The following HIP1 variants were observed in gnomAD, a reference collection of about 807,000 sequenced individuals.
The protein encoded by HIP1 is huntingtin interacting protein 1, also known as huntingtin-interacting protein 1.
A neutral mutation model predicts 147.6 loss-of-function variants in HIP1; 65 were observed. That is an observed-to-expected ratio of 0.44 (90% confidence interval 0.36 to 0.54). The LOEUF is 0.54. Ranked by LOEUF, HIP1 falls within the 20% of genes least tolerant of loss-of-function variation. The pLI, the probability that HIP1 is intolerant of heterozygous loss-of-function variation, is 0.00. For missense variants in HIP1, 1,061 were observed against 1,299.6 expected, an observed-to-expected ratio of 0.82 and a Z score of 2.82; for synonymous variants, 479 against 504.0, an observed-to-expected ratio of 0.95 and a Z score of 0.67.
intron 1 of HIP1, among the ~76,000 whole-genome samples, chr7:75,695,130 T>C (rs1258561426): frequency 6.6e-6 from 1 of 152,236 alleles, no homozygotes; most frequent in African/African-American, 2.4e-5. Context: ...TAGATGTTTA[T>C]ATTAGCAGTG....
intron 1 of HIP1, 48 bp downstream of exon 1, chr7:75,738,753 G>A: frequency 1.3e-6 from 2 of 1,578,094 alleles, no homozygotes; most frequent in Non-Finnish European, 1.7e-6. Flanking sequence ...CCCGGACACC[G>A]CGTCCCTCAG....
chr7:75,562,834 C>T, intron 11 of HIP1, 101 bp downstream of exon 11: 1 of 1,213,820 alleles, frequency 8.2e-7, no homozygotes, highest in East Asian at 2.4e-5. Context: ...AAGCCTGAAC[C>T]TGGTTAGAGT....
intron 1 of HIP1, among the ~76,000 whole-genome samples, chr7:75,681,655 T>C (rs1353912462): frequency 1.3e-5 from 2 of 151,858 alleles, no homozygotes; most frequent in African/African-American, 4.8e-5. Flanking sequence ...TATGGGTGCA[T>C]ACCACCACGC....
At chr7:75,636,024 C>CAAAAAAAAAAAAAAAAA (rs34434184) in intron 1 of HIP1, among the ~76,000 whole-genome samples, 1 of 53,708 alleles carries the variant, frequency 1.9e-5, no homozygotes, top group Non-Finnish European at 3.2e-5. Context: ...GACCCTGTCT[C>CAAAAAAAAAAAAAAAAA]AAAAAAAAAA....
intron 1 of HIP1, chr7:75,626,878 T>G (rs1309238001): frequency 7.5e-6 from 1 of 133,834 alleles, no homozygotes; most frequent in Non-Finnish European, 1.6e-5. Context: ...ACCTAGTGCA[T>G]GCACACAAAC....
chr7:75,648,629 A>AC (rs1798879295), intron 1 of HIP1, among the ~76,000 whole-genome samples: 1 of 151,836 alleles, frequency 6.6e-6, no homozygotes, highest in African/African-American at 2.4e-5. Context: ...TGCATGATAG[A>AC]CCCCCTAAGC....
rs1025243885 is a variant in HIP1, at chr7:75,534,268, C to A, written c.*3904G>T. On this transcript the variant is annotated 3_prime_UTR_variant, in exon 31 of 31. Coordinates refer to ENST00000336926, the MANE Select transcript of HIP1 (RefSeq NM_005338.7). ...AGAAAAGTTGCTCTAGACAGTGGTT[C>A]TTCCAGCCACTGGGTTAGAGGGACC... 1.8e-5 allele frequency: 4 copies of A among 225,174 alleles called. No individual in the cohort carries two copies. The highest frequency in any genetic ancestry group is 5.7e-5 in the Admixed American group (1 of 17,462). 13.9% of individuals were successfully genotyped at this position (225,174 alleles called of 1,614,324 possible).
chr7:75,718,321 C>T (rs1801385298), intron 1 of HIP1, among the ~76,000 whole-genome samples: 1 of 151,856 alleles, frequency 6.6e-6, no homozygotes, highest in African/African-American at 2.4e-5. Context: ...CATACTACTG[C>T]ACTCCAGCCT....
rs1226638180 is a variant in HIP1 at position 75,544,815 on chromosome 7, C to T, written c.2661-15G>A. 2 of 1,514,844 alleles carry T rather than the reference C, an allele frequency of 1.3e-6. No homozygotes were observed. The highest frequency in any genetic ancestry group is 1.7e-5 in the Admixed American group (1 of 59,804). 93.8% of individuals were successfully genotyped at this position (1,514,844 alleles called of 1,614,324 possible). ...CAGCTGCATCCCTGATGGAAAACGACAAGAGGGACTAGGTTACGGGCAAAT... is the reference window on the plus strand; with the variant it reads ...CAGCTGCATCCCTGATGGAAAACGATAAGAGGGACTAGGTTACGGGCAAAT... On this transcript the variant is annotated splice_polypyrimidine_tract_variant and intron_variant, in intron 26 of 30. Transcript: ENST00000336926.
intron 8 of HIP1, among the ~76,000 whole-genome samples, chr7:75,570,687 A>C (rs1795596330): frequency 6.6e-6 from 1 of 152,146 alleles, no homozygotes; most frequent in Admixed American, 6.6e-5. Context: ...TTTTCTGTAG[A>C]TCTAAAACAA....
At chr7:75,595,043 A>G (rs1250535400) in intron 2 of HIP1, among the ~76,000 whole-genome samples, 3 of 151,760 alleles carry the variant, frequency 2.0e-5, no homozygotes, top group Non-Finnish European at 2.9e-5. Flanking sequence ...AAACTAAATG[A>G]CTCACCCAGA....
At position 75,611,565 on chromosome 7, in the gene HIP1, G is replaced by A. The variant is rs1554504960; in HGVS notation, c.121-12318C>T. On this transcript the variant is annotated intron_variant, in intron 1 of 30. Coordinates refer to ENST00000336926, the MANE Select transcript of HIP1 (RefSeq NM_005338.7). ...CCCTCCCGGCCCCAGGCTCTCTGAA[G>A]GACATCATTTGGTTCTGAACTGTTC... 8.7e-6 allele frequency: 4 copies of A among 462,354 alleles called. No individual in the cohort carries two copies. In the South Asian group the frequency reaches 3.8e-4, roughly 44 times the overall value. 28.6% of individuals were successfully genotyped at this position (462,354 alleles called of 1,614,324 possible).
chr7:75,649,945 A>G (rs1554511711), intron 1 of HIP1, among the ~76,000 whole-genome samples: 1 of 152,112 alleles, frequency 6.6e-6, no homozygotes, highest in African/African-American at 2.4e-5. Context: ...TATTAAACAC[A>G]GGTGTCCATG....
Position 75,559,703 on chromosome 7 carries a change from GCCCGCCCCCGCC to G in HIP1, c.1375+17_1375+28del. ...TCTGCTGCCCGCGCCTGCCCCCGGG[GCCCGCCCCCGCC>G]CCCACCCACCGCTCACTTTCTATCT... On this transcript the variant is annotated intron_variant, in intron 14 of 30. Coordinates refer to ENST00000336926, the MANE Select transcript of HIP1 (RefSeq NM_005338.7). 1 of 1,195,144 alleles carries G rather than the reference GCCCGCCCCCGCC, an allele frequency of 8.4e-7. No homozygotes were observed. Among genetic ancestry groups the G allele is most frequent in the Non-Finnish European group, 1.2e-6 (1 of 859,196 alleles). 74.0% of individuals were successfully genotyped at this position (1,195,144 alleles called of 1,614,324 possible). A position where few individuals can be genotyped will look rare whatever the true frequency, so the allele number is the denominator to read the frequency against.
intron 1 of HIP1, among the ~76,000 whole-genome samples, chr7:75,672,739 C>G (rs996351516): frequency 6.6e-6 from 1 of 152,090 alleles, no homozygotes; most frequent in South Asian, 2.1e-4. Flanking sequence ...TTTAAGAAGC[C>G]ATTGCTTAAT....
intron 8 of HIP1, among the ~76,000 whole-genome samples, chr7:75,570,620 C>A (rs587715240): frequency 2.0e-5 from 3 of 151,850 alleles, no homozygotes; most frequent in East Asian, 3.9e-4. Context: ...TACTAATATA[C>A]GAACAAAGGG....
At chr7:75,720,634 G>C (rs532360088) in intron 1 of HIP1, among the ~76,000 whole-genome samples, 1 of 152,296 alleles carries the variant, frequency 6.6e-6, no homozygotes, top group South Asian at 2.1e-4. Context: ...ATGTCAAACA[G>C]GTTTAGTCGT....
intron 1 of HIP1, among the ~76,000 whole-genome samples, chr7:75,712,652 A>T (rs1324975561): frequency 6.6e-6 from 1 of 152,102 alleles, no homozygotes; most frequent in African/African-American, 2.4e-5. Flanking sequence ...TTACTCCCTC[A>T]TACACATACT....
chr7:75,675,686 A>G (rs1355496243), intron 1 of HIP1, among the ~76,000 whole-genome samples: 2 of 152,140 alleles, frequency 1.3e-5, no homozygotes, highest in Non-Finnish European at 2.9e-5. Flanking sequence ...TAAAATAACT[A>G]ATTTAAAGTA....
Sources: gnomAD v4.1 joint callset for allele counts (sites outside exome capture counted in the v4.1 genomes callset) on GRCh38, gnomAD v4.1.1 for gene constraint, MANE v1.5 for transcripts, NCBI Gene and HGNC (gene_info 2026-07-23, HGNC 2026-07-21) for gene names.